CDH13: variants seen among roughly 807,000 people sequenced by gnomAD.
The protein encoded by CDH13 is cadherin-13.
CDH13 carries 24 observed loss-of-function variants against 63.8 expected under a neutral mutation model. The ratio of observed to expected loss-of-function variants is 0.38; its 90% CI spans 0.27 to 0.53. The LOEUF is 0.53. CDH13 is among the 20% of genes least tolerant of loss of function. The probability of loss-of-function intolerance (pLI) is 0.85; values close to 1 mark genes in which losing one functional copy is unlikely to be tolerated. For synonymous variants in CDH13, 503 were observed against 355.3 expected, an observed-to-expected ratio of 1.42 and a Z score of -4.67; for missense variants, 1,049 against 903.1, an observed-to-expected ratio of 1.16 and a Z score of -2.07.
chr16:83,507,087 T>G (rs2074415169), intron 7 of CDH13, among the ~76,000 whole-genome samples: 1 of 152,252 alleles, frequency 6.6e-6, no homozygotes, highest in Non-Finnish European at 1.5e-5. Context: ...AAATTGCTGC[T>G]CATTTCTCTG....
At chr16:83,482,820 C>T (rs894896621) in intron 6 of CDH13, among the ~76,000 whole-genome samples, 3 of 152,166 alleles carry the variant, frequency 2.0e-5, no homozygotes, top group Non-Finnish European at 2.9e-5. Context: ...AGACCATGGG[C>T]AGGGTGGGAG....
chr16:82,796,138 G>A (rs1259402540), intron 1 of CDH13, among the ~76,000 whole-genome samples: 1 of 152,060 alleles, frequency 6.6e-6, no homozygotes, highest in Non-Finnish European at 1.5e-5. Flanking sequence ...GTTAAAGGAG[G>A]AAACCAAGGT....
At chr16:83,276,897 A>G (rs932597205) in intron 5 of CDH13, among the ~76,000 whole-genome samples, 1 of 152,182 alleles carries the variant, frequency 6.6e-6, no homozygotes, top group African/African-American at 2.4e-5. Flanking sequence ...AGCATGTCAC[A>G]TCTTACGTAG....
chr16:82,758,585 C>G (rs545975933), intron 1 of CDH13, among the ~76,000 whole-genome samples: 1 of 152,274 alleles, frequency 6.6e-6, no homozygotes, highest in African/African-American at 2.4e-5. Context: ...TCACATGTTC[C>G]CAGTGAGCCA....
intron 1 of CDH13, among the ~76,000 whole-genome samples, chr16:82,669,971 GA>G (rs1913044736): frequency 6.6e-6 from 1 of 152,208 alleles, no homozygotes; most frequent in Admixed American, 6.5e-5. Flanking sequence ...CCCTTTAAAA[GA>G]TAAAGAGAAA....
intron 1 of CDH13, among the ~76,000 whole-genome samples, chr16:82,773,833 G>T (rs954196702): frequency 2.6e-5 from 4 of 151,066 alleles, no homozygotes; most frequent in Admixed American, 2.6e-4. Context: ...ACCCAGGCTG[G>T]AGTGCAATTG....
chr16:83,747,809 A>G (rs1912728794), intron 10 of CDH13, among the ~76,000 whole-genome samples: 1 of 149,626 alleles, frequency 6.7e-6, no homozygotes, highest in South Asian at 2.2e-4. Flanking sequence ...TGGACTCAGG[A>G]TTTGGGCTGT....
intron 12 of CDH13, among the ~76,000 whole-genome samples, chr16:83,781,476 T>C (rs952777476): frequency 6.6e-6 from 1 of 152,240 alleles, no homozygotes; most frequent in Non-Finnish European, 1.5e-5. Flanking sequence ...AAATGTATTG[T>C]ACAATTGTGC....
intron 6 of CDH13, among the ~76,000 whole-genome samples, chr16:83,369,362 G>A (rs913119835): frequency 2.0e-5 from 3 of 151,828 alleles, no homozygotes; most frequent in African/African-American, 7.3e-5. Flanking sequence ...TAAAATATAA[G>A]CATGTAGGTC....
chr16:83,762,838 C>T (rs1043329706), intron 11 of CDH13, among the ~76,000 whole-genome samples: 10 of 152,156 alleles, frequency 6.6e-5, no homozygotes, highest in African/African-American at 2.2e-4. Flanking sequence ...TATGCTCTCA[C>T]AGAAGACCTA....
chr16:83,028,614 T>A (rs111695580), intron 2 of CDH13, among the ~76,000 whole-genome samples: 44 of 152,358 alleles, frequency 2.9e-4, no homozygotes, highest in African/African-American at 1.1e-3. Context: ...TATGCTAATT[T>A]GTCCTATACA....
chr16:83,516,445 A>T (rs1485434568), intron 7 of CDH13, among the ~76,000 whole-genome samples: 1 of 152,252 alleles, frequency 6.6e-6, no homozygotes, highest in Non-Finnish European at 1.5e-5. Flanking sequence ...TCAAGAAGCC[A>T]AGGATCTGAT....
chr16:83,053,972 A>G (rs1042346617), intron 3 of CDH13, among the ~76,000 whole-genome samples: 5 of 152,236 alleles, frequency 3.3e-5, no homozygotes, highest in Non-Finnish European at 7.3e-5. Flanking sequence ...ATAAAATTAT[A>G]ATACCATATT....
intron 5 of CDH13, among the ~76,000 whole-genome samples, chr16:83,329,689 T>G (rs6563899): frequency 6.6e-6 from 1 of 152,052 alleles, no homozygotes; most frequent in African/African-American, 2.4e-5. Flanking sequence ...TTGCCCCCTT[T>G]CTGTGTCCTT....
At chr16:83,588,808 T>C (rs1906428158) in intron 7 of CDH13, among the ~76,000 whole-genome samples, 1 of 152,194 alleles carries the variant, frequency 6.6e-6, no homozygotes, top group Non-Finnish European at 1.5e-5. Flanking sequence ...GATGTCATCC[T>C]GGGAAGGCAG....
intron 10 of CDH13, chr16:83,710,408 A>G (rs1480099656): frequency 2.6e-5 from 4 of 152,050 alleles, no homozygotes; most frequent in Non-Finnish European, 5.9e-5. Flanking sequence ...TGACTGCTAG[A>G]AAAGCTAAGA....
chr16:83,480,948 C>T (rs568251738), intron 6 of CDH13, among the ~76,000 whole-genome samples: 1 of 152,222 alleles, frequency 6.6e-6, no homozygotes, highest in Non-Finnish European at 1.5e-5. Flanking sequence ...GGCAAACACA[C>T]AAGTAACGTT....
At chr16:83,260,988 G>A (rs1194331523) in intron 5 of CDH13, among the ~76,000 whole-genome samples, 1 of 151,904 alleles carries the variant, frequency 6.6e-6, no homozygotes, top group African/African-American at 2.4e-5. Flanking sequence ...ATCTTTTTAT[G>A]TGAGGCCATT....
intron 2 of CDH13, among the ~76,000 whole-genome samples, chr16:82,944,533 T>C (rs567943765): frequency 5.3e-5 from 8 of 152,250 alleles, no homozygotes; most frequent in Non-Finnish European, 8.8e-5. Flanking sequence ...TTTTTTGTTG[T>C]GACAGTGTGG....
Sources: allele counts gnomAD v4.1 joint callset (sites outside exome capture counted in the v4.1 genomes callset), GRCh38; gene constraint gnomAD v4.1.1; transcripts MANE v1.5; gene names NCBI Gene and HGNC (gene_info 2026-07-23, HGNC 2026-07-21).